RAB6B: variants seen among roughly 807,000 people sequenced by gnomAD.
The protein encoded by RAB6B is ras-related protein Rab-6B.
A neutral mutation model predicts 31.2 loss-of-function variants in RAB6B; 7 were observed. The ratio of observed to expected loss-of-function variants is 0.22; its 90% CI spans 0.13 to 0.42. The LOEUF (loss-of-function observed/expected upper bound fraction) is 0.42, where lower values mean the gene tolerates loss of function less well. Among genes scored for constraint, RAB6B ranks in the 10% least tolerant of loss-of-function variants. The pLI is 1.00. For synonymous variants in RAB6B, 105 were observed against 104.9 expected (o/e 1.00, Z -0.01); for missense variants, 149 against 280.6 (o/e 0.53, Z 3.35).
intron 6 of RAB6B, among the ~76,000 whole-genome samples, chr3:133,836,632 C>T (rs1466936540): frequency 6.6e-6 from 1 of 152,150 alleles, no homozygotes; most frequent in African/African-American, 2.4e-5. Context: ...CCCTATGGAC[C>T]TCCTGGTGCT....
At chr3:133,844,392 T>C (rs1935879248) in intron 2 of RAB6B, among the ~76,000 whole-genome samples, 1 of 152,178 alleles carries the variant, frequency 6.6e-6, no homozygotes, top group Non-Finnish European at 1.5e-5. Context: ...TCAGACCTGT[T>C]CTAGCCACAC....
Position 133,895,638 on chromosome 3 carries a change from G to C in RAB6B, c.-172C>G. The C allele has an allele frequency of 1.6e-6, 1 of 629,668 alleles. No individual in the cohort carries two copies. Among genetic ancestry groups the C allele is most frequent in the Non-Finnish European group, 2.7e-6 (1 of 364,976 alleles). 39.0% of individuals were successfully genotyped at this position (629,668 alleles called of 1,614,324 possible). On this transcript the variant is annotated 5_prime_UTR_variant, in exon 1 of 8. Transcript: ENST00000285208. ...CGTCCCGGTCCCGGCCTGCGGCTGC[G>C]TGTCCGGCGGCGGAGGAGGAGGAGG... is the stretch of plus-strand genomic sequence containing the variant.
chr3:133,880,919 T>G (rs1559912894), intron 1 of RAB6B, among the ~76,000 whole-genome samples: 1 of 152,164 alleles, frequency 6.6e-6, no homozygotes, highest in Non-Finnish European at 1.5e-5. Context: ...ATTTAAGAGA[T>G]GAAGACCACT....
intron 1 of RAB6B, among the ~76,000 whole-genome samples, chr3:133,878,322 C>A (rs1409595060): frequency 6.6e-6 from 1 of 151,988 alleles, no homozygotes. Flanking sequence ...GAGAAACAAA[C>A]ATAAAAAGGA....
intron 1 of RAB6B, among the ~76,000 whole-genome samples, chr3:133,871,584 T>G (rs939519723): frequency 5.9e-5 from 9 of 152,148 alleles, no homozygotes; most frequent in African/African-American, 2.2e-4. Context: ...GAAAGCTGAG[T>G]GGGCAGTAAG....
chr3:133,878,845 T>A (rs1184879890), intron 1 of RAB6B, among the ~76,000 whole-genome samples: 3 of 152,156 alleles, frequency 2.0e-5, no homozygotes, highest in Admixed American at 6.5e-5. Flanking sequence ...CTAGCAAAAA[T>A]CTTTCAAAAA....
intron 2 of RAB6B, among the ~76,000 whole-genome samples, chr3:133,858,698 C>T (rs570979318): frequency 1.3e-5 from 2 of 152,316 alleles, no homozygotes; most frequent in Admixed American, 6.5e-5. Context: ...GGGACCAGAA[C>T]TTCGATGCAG....
At chr3:133,854,051 T>C (rs951531106) in intron 2 of RAB6B, among the ~76,000 whole-genome samples, 5 of 152,194 alleles carry the variant, frequency 3.3e-5, no homozygotes, top group African/African-American at 1.2e-4. Context: ...AGATAGCCTC[T>C]TTAGTAAAGC....
rs537492678 is a variant in RAB6B, at chr3:133,831,019, G to A, written c.563-2167C>T. Among the ~76,000 whole-genome samples the A allele has an allele frequency of 2.0e-5, 3 of 152,310 alleles. No individual in the cohort carries two copies. In the South Asian group the frequency reaches 6.2e-4, roughly 32 times the overall value. On this transcript the variant is annotated intron_variant, in intron 7 of 7. Transcript: ENST00000285208. ...CTATCAGTCCTGGTTGAGAACTAGTGGTCTAGCTTGAAGGTTGGCCACTGT... is the reference window on the plus strand; with the variant it reads ...CTATCAGTCCTGGTTGAGAACTAGTAGTCTAGCTTGAAGGTTGGCCACTGT...
chr3:133,865,543 G>A (rs59394269), intron 1 of RAB6B, among the ~76,000 whole-genome samples: 6,051 of 152,324 alleles, frequency 0.04, 386 homozygotes, highest in African/African-American at 0.14. Context: ...GGCCCTGCAC[G>A]GATGCCTGTC....
At chr3:133,828,887 T>C (rs1026296297) in intron 7 of RAB6B, 35 bp from the exon 8 acceptor site, 5 of 1,552,646 alleles carry the variant, frequency 3.2e-6, no homozygotes, top group Admixed American at 1.8e-5. Flanking sequence ...ATGACTCTCC[T>C]GGACAAGCTG....
chr3:133,830,475 C>G (rs1411741353), intron 7 of RAB6B, among the ~76,000 whole-genome samples: 1 of 152,232 alleles, frequency 6.6e-6, no homozygotes, highest in Non-Finnish European at 1.5e-5. Flanking sequence ...CTGCTTTAAA[C>G]ACGTCCTATG....
intron 1 of RAB6B, among the ~76,000 whole-genome samples, chr3:133,887,192 C>A (rs6789631): frequency 0.041 from 6,232 of 152,290 alleles, 396 homozygotes; most frequent in African/African-American, 0.14. Context: ...GTGTCACCTG[C>A]CCTGTCGTCC....
In RAB6B at chr3:133,840,559, G is replaced by A. The variant is rs2715614; in HGVS notation, c.289+726C>T. ...CTGGGTGGCGGGGGCATGCACCAGC[G>A]CGGGGACATGCATGCTTCCTTGTGT... On this transcript the variant is annotated intron_variant, in intron 4 of 7. Transcript: ENST00000285208. Among the ~76,000 whole-genome samples the A allele has an allele frequency of 3.3e-3, 506 of 152,342 alleles. 2 individuals are homozygous for A. Among genetic ancestry groups the A allele is most frequent in the African/African-American group, 0.011 (477 of 41,578 alleles).
intron 2 of RAB6B, among the ~76,000 whole-genome samples, chr3:133,850,220 A>G (rs1163476241): frequency 6.6e-6 from 1 of 152,236 alleles, no homozygotes; most frequent in Non-Finnish European, 1.5e-5. Flanking sequence ...ATTTGGGTCC[A>G]GACAATTTAG....
At chr3:133,834,428 C>A in intron 7 of RAB6B, 147 bp downstream of exon 7, 1 of 816,932 alleles carries the variant, frequency 1.2e-6, no homozygotes, top group South Asian at 1.5e-5. Context: ...CAGCTGCATC[C>A]CGCCTAGAGG....
chr3:133,845,833 T>C (rs1298836624), intron 2 of RAB6B, among the ~76,000 whole-genome samples: 1 of 151,982 alleles, frequency 6.6e-6, no homozygotes, highest in Non-Finnish European at 1.5e-5. Context: ...AATGTTGAAT[T>C]AGTAGACAAA....
intron 2 of RAB6B, among the ~76,000 whole-genome samples, chr3:133,853,705 T>G (rs969845292): frequency 6.6e-6 from 1 of 152,150 alleles, no homozygotes; most frequent in African/African-American, 2.4e-5. Flanking sequence ...GGGAGTGTCC[T>G]GGAAAAATGG....
intron 2 of RAB6B, among the ~76,000 whole-genome samples, chr3:133,842,568 TAACA>T (rs1935851088): frequency 6.6e-6 from 1 of 152,244 alleles, no homozygotes; most frequent in African/African-American, 2.4e-5. Flanking sequence ...TGGCAGCTGT[TAACA>T]ATCACATTCT....
Sources: allele counts gnomAD v4.1 joint callset (sites outside exome capture counted in the v4.1 genomes callset), GRCh38; gene constraint gnomAD v4.1.1; transcripts MANE v1.5; gene names NCBI Gene and HGNC (gene_info 2026-07-23, HGNC 2026-07-21).